Variants in ZNF236 observed in about 807,000 individuals in gnomAD.
The protein encoded by ZNF236 is zinc finger protein 236, also known as regulated by glucose.
In ZNF236, 50 loss-of-function variants were observed where a neutral mutation model predicts 191.2. The observed-to-expected ratio is 0.26, with a 90% CI of 0.21 to 0.33. The LOEUF (loss-of-function observed/expected upper bound fraction) is 0.33, where lower values mean the gene tolerates loss of function less well. Ranked by LOEUF, ZNF236 falls within the 10% of genes least tolerant of loss-of-function variation. ZNF236 has a pLI of 1.00. For missense variants in ZNF236, 1,754 were observed against 2,374.5 expected (o/e 0.74, Z 5.43); for synonymous variants, 907 against 928.8 (o/e 0.98, Z 0.43).
At chr18:76,930,058 C>CTGA in intron 25 of ZNF236, among the ~76,000 whole-genome samples, 1 of 152,286 alleles carries the variant, frequency 6.6e-6, no homozygotes, top group East Asian at 1.9e-4. Context: ...GTCCTTTTAC[C>CTGA]TGATGTTTTC....
intron 27 of ZNF236, among the ~76,000 whole-genome samples, chr18:76,949,626 A>T (rs1439754394): frequency 6.6e-6 from 1 of 151,386 alleles, no homozygotes. Context: ...TGTTTATACT[A>T]TACTGTAATA....
chr18:76,890,924 C>G (rs990608228), intron 9 of ZNF236, among the ~76,000 whole-genome samples: 1 of 152,062 alleles, frequency 6.6e-6, no homozygotes, highest in Non-Finnish European at 1.5e-5. Context: ...AACATGTAGA[C>G]AAAGAGAGGA....
At chr18:76,895,969 G>A (rs930629657) in intron 10 of ZNF236, among the ~76,000 whole-genome samples, 1 of 151,588 alleles carries the variant, frequency 6.6e-6, no homozygotes, top group African/African-American at 2.4e-5. Flanking sequence ...AGTATGGCCC[G>A]CAGTGCTGCA....
At position 76,969,371 on chromosome 18, in the gene ZNF236, A is replaced by G. The variant is rs1409938197; in HGVS notation, c.*1032A>G. ...ACGCCATTCCTACAGCATTCCAAAG[A>G]TGGAAGGTTCTTTACTTCATGTTAA... On this transcript the variant is annotated 3_prime_UTR_variant, in exon 31 of 31. Transcript: ENST00000320610. The G allele has an allele frequency of 5.2e-5, 8 of 152,634 alleles. No homozygotes were observed. Among genetic ancestry groups the G allele is most frequent in the Non-Finnish European group, 1.2e-4 (8 of 68,034 alleles). The allele number at this position is 152,634 out of a possible 1,614,324, so 9.5% of individuals were successfully genotyped here.
At chr18:76,935,989 C>T (rs192453557) in intron 25 of ZNF236, 1 of 457,122 alleles carries the variant, frequency 2.2e-6, no homozygotes, top group East Asian at 7.0e-5. Context: ...GGTTCCAGGT[C>T]TGTGCAGCAC....
Position 76,904,275 on chromosome 18 carries a change from A to G in ZNF236, c.1895-105A>G, listed in dbSNP as rs1977679985. On this transcript the variant is annotated intron_variant, in intron 11 of 30. Transcript: ENST00000320610. ...AACATAGTTGCAACATTAGAATCTA[A>G]CTTACCAGAATTTTCATCTTCTGGG... 2.5e-6 allele frequency: 3 copies of G among 1,176,802 alleles called. No homozygotes were observed. In the East Asian group the frequency reaches 8.2e-5, roughly 32 times the overall value. The allele number at this position is 1,176,802 out of a possible 1,614,324, so 72.9% of individuals were successfully genotyped here.
chr18:76,857,924 ACAT>A (rs1162216628), intron 3 of ZNF236, among the ~76,000 whole-genome samples: 1 of 152,194 alleles, frequency 6.6e-6, no homozygotes, highest in Non-Finnish European at 1.5e-5. Context: ...GAATGTGAAA[ACAT>A]CAGCGATGTT....
In ZNF236 at chr18:76,878,091, A is replaced by G; in HGVS notation, c.923A>G (p.Lys308Arg). 4 of 1,613,510 alleles carry G rather than the reference A, an allele frequency of 2.5e-6. No individual in the cohort carries two copies. Among genetic ancestry groups the G allele is most frequent in the Non-Finnish European group, 3.4e-6 (4 of 1,179,598 alleles). ...SLGSLNTHIS[K>R]MHMGGPQNST... is the part of the protein sequence containing the mutation. ...GGCAGCTTAAACACGCATATCAGCA[A>G]GATGCATATGGGTGGGCCACAGAAT... is the stretch of plus-strand genomic sequence containing the variant. Residue 308 changes from lysine (K) to arginine (R), a missense_variant, in exon 7 of 31, where the codon AAG (lysine) becomes AGG (arginine). By Grantham distance (26) the Lys-to-Arg change is conservative (BLOSUM62 2). Coordinates refer to ENST00000320610, the MANE Select transcript of ZNF236 (RefSeq NM_001306089.2).
At chr18:76,895,331 C>T in intron 10 of ZNF236, 46 bp downstream of exon 10, 1 of 1,590,642 alleles carries the variant, frequency 6.3e-7, no homozygotes, top group Non-Finnish European at 8.5e-7. Context: ...CCACGGGGGC[C>T]ACACACATTA....
At chr18:76,897,785 T>A (rs887436267) in intron 10 of ZNF236, among the ~76,000 whole-genome samples, 3 of 152,208 alleles carry the variant, frequency 2.0e-5, no homozygotes, top group Non-Finnish European at 2.9e-5. Flanking sequence ...CTGCACACAG[T>A]ACTGCACACA....
At chr18:76,850,914 G>A (rs1174108158) in intron 2 of ZNF236, among the ~76,000 whole-genome samples, 1 of 151,362 alleles carries the variant, frequency 6.6e-6, no homozygotes, top group East Asian at 2.0e-4. Context: ...TGCTTGAAGT[G>A]ATTTTGTTTA....
rs200829111 is a variant in ZNF236 at position 76,937,214 on chromosome 18, C to T, written c.4653C>T (p.Ile1551=). 16 of 1,614,208 alleles carry T rather than the reference C, an allele frequency of 9.9e-6. 1 individual carries two copies. In the East Asian group the frequency reaches 3.6e-4, roughly 36 times the overall value. ...PSTTPMSPSA[I]STQNLVMSSS... ...CAACACCGATGTCTCCATCGGCCAT[C>T]TCGACTCAGAACCTGGTCATGTCCT... Residue 1551 remains isoleucine, a synonymous_variant, in exon 26 of 31, where the codon ATC becomes ATT. Transcript: ENST00000320610.
At chr18:76,823,520 T>A (rs776650507) in intron 1 of ZNF236, among the ~76,000 whole-genome samples, 2 of 151,518 alleles carry the variant, frequency 1.3e-5, no homozygotes, top group East Asian at 3.9e-4. Flanking sequence ...ATCAGTGTTA[T>A]GTGGGGAGCG....
At chr18:76,840,232 C>T (rs1231301495) in intron 1 of ZNF236, among the ~76,000 whole-genome samples, 1 of 152,170 alleles carries the variant, frequency 6.6e-6, no homozygotes, top group Non-Finnish European at 1.5e-5. Flanking sequence ...CGGTGGCTCA[C>T]GCCTGTGATC....
At chr18:76,865,503 A>G (rs1456039307) in intron 3 of ZNF236, among the ~76,000 whole-genome samples, 1 of 152,168 alleles carries the variant, frequency 6.6e-6, no homozygotes. Context: ...ACTATTCACC[A>G]CTTAGGACAT....
intron 1 of ZNF236, among the ~76,000 whole-genome samples, chr18:76,822,926 G>T (rs1156883671): frequency 2.0e-5 from 3 of 148,302 alleles, no homozygotes; most frequent in East Asian, 3.9e-4. Flanking sequence ...GGCGGGAGGC[G>T]GGTGAGGGAG....
At chr18:76,953,835 C>G (rs574337023) in intron 27 of ZNF236, among the ~76,000 whole-genome samples, 12 of 152,164 alleles carry the variant, frequency 7.9e-5, no homozygotes, top group Non-Finnish European at 1.3e-4. Context: ...GATCCGCGCC[C>G]GTTCTTTCCG....
Position 76,881,498 on chromosome 18 carries a change from C to T in ZNF236, c.1403C>T (p.Ser468Leu), listed in dbSNP as rs1168934901. ...KKEKKMIKKK[S>L]PFLPGSIREE... The stretch of plus-strand genomic sequence containing the variant: ...GAAAAAAAAATGATAAAGAAGAAGT[C>T]ACCGTTTCTACCTGGTAATTTTCCT... Residue 468 changes from serine to leucine, a missense_variant, in exon 9 of 31, where the codon TCA becomes TTA. Transcript: ENST00000320610. 6.2e-6 allele frequency: 10 copies of T among 1,611,432 alleles called. No homozygotes were observed. The highest frequency in any genetic ancestry group is 2.7e-5 in the African/African-American group (2 of 74,550).
At chr18:76,896,237 AAC>A (rs1448985567) in intron 10 of ZNF236, among the ~76,000 whole-genome samples, 1 of 151,252 alleles carries the variant, frequency 6.6e-6, no homozygotes, top group African/African-American at 2.4e-5. Flanking sequence ...CACAGTACCA[AAC>A]ACAGTACTAA....
Sources: allele counts gnomAD v4.1 joint callset (sites outside exome capture counted in the v4.1 genomes callset), GRCh38; gene constraint gnomAD v4.1.1; transcripts MANE v1.5; gene names NCBI Gene and HGNC (gene_info 2026-07-23, HGNC 2026-07-21).